Variants in SYNE2 observed in about 807,000 individuals in gnomAD.
SYNE2 encodes the protein nesprin-2.
A neutral mutation model predicts 856.3 loss-of-function variants in SYNE2; 431 were observed. The ratio of observed to expected loss-of-function variants is 0.50; its 90% confidence interval spans 0.47 to 0.55. SYNE2 has a LOEUF of 0.55. Ranked by LOEUF, SYNE2 falls within the 20% of genes least tolerant of loss-of-function variation. The pLI is 0.00. For synonymous variants in SYNE2, 2,923 were observed against 2,872.3 expected (o/e 1.02, Z -0.56); for missense variants, 8,129 against 8,023.2 (o/e 1.01, Z -0.50).
intron 82 of SYNE2, 92 bp from the exon 83 acceptor site, chr14:64,143,680 G>A (rs2098158842): frequency 5.1e-6 from 7 of 1,366,142 alleles, no homozygotes; most frequent in Non-Finnish European, 7.3e-6. Context: ...TAATGGACGG[G>A]AGCTTGGTGC....
intron 32 of SYNE2, 31 bp downstream of exon 32, chr14:64,010,147 C>T: frequency 1.9e-6 from 3 of 1,594,938 alleles, no homozygotes; most frequent in Non-Finnish European, 2.6e-6. Flanking sequence ...AAAAAACTGC[C>T]CAGTGACCTC....
chr14:63,816,088 A>G (rs1389061147), intron 1 of SYNE2, among the ~76,000 whole-genome samples: 1 of 151,416 alleles, frequency 6.6e-6, no homozygotes, highest in Non-Finnish European at 1.5e-5. Context: ...AGATGGGATT[A>G]CAGGCAGGTG....
chr14:63,814,679 C>CATATATATCCAT (rs1201725910), intron 1 of SYNE2, among the ~76,000 whole-genome samples: 10 of 63,230 alleles, frequency 1.6e-4, no homozygotes, highest in African/African-American at 4.0e-4. Flanking sequence ...CATATATATC[C>CATATATATCCAT]ATATATATCC....
rs770835099 is a variant in SYNE2 at position 64,026,574 on chromosome 14, T to C, written c.6253-5T>C. The C allele has an allele frequency of 6.2e-7, 1 of 1,610,644 alleles. No individual in the cohort carries two copies. The highest frequency in any genetic ancestry group is 8.5e-7 in the Non-Finnish European group (1 of 1,177,556). On this transcript the variant is annotated splice_region_variant and splice_polypyrimidine_tract_variant and intron_variant, in intron 41 of 115. Transcript: ENST00000555002. ...ACATTATAAAATCTCTTTTATTTAA[T>C]TCAGGAAATCATTTTGCTGAAGCCT...
chr14:63,766,876 A>C (rs1345743363), intron 1 of SYNE2, among the ~76,000 whole-genome samples: 3 of 152,256 alleles, frequency 2.0e-5, no homozygotes, highest in South Asian at 4.1e-4. Flanking sequence ...TTGGGATTGA[A>C]GGTAGGTAGT....
intron 61 of SYNE2, among the ~76,000 whole-genome samples, chr14:64,096,725 T>C (rs1163720724): frequency 6.6e-6 from 1 of 152,230 alleles, no homozygotes; most frequent in Admixed American, 6.5e-5. Flanking sequence ...TGCTCTGCTG[T>C]GTGCTAGTTG....
chr14:64,029,609 A>T (rs1194879666), intron 43 of SYNE2, among the ~76,000 whole-genome samples: 1 of 152,226 alleles, frequency 6.6e-6, no homozygotes, highest in Non-Finnish European at 1.5e-5. Flanking sequence ...TAGCTATTTC[A>T]TTTTATAAAC....
chr14:63,933,355 A>G (rs145540465), intron 2 of SYNE2, among the ~76,000 whole-genome samples: 1 of 152,274 alleles, frequency 6.6e-6, no homozygotes, highest in African/African-American at 2.4e-5. Flanking sequence ...GTAGTTTCAT[A>G]ATGAGCTTTA....
rs137866467 is a variant in SYNE2, at chr14:64,186,520, A to G, written c.17653A>G (p.Met5885Val). Residue 5885 changes from methionine (M) to valine (V), a missense_variant, in exon 97 of 116, where the codon ATG (methionine) becomes GTG (valine). Met to Val is a conservative substitution (Grantham distance 21, BLOSUM62 1). Coordinates refer to ENST00000555002, the MANE Select transcript of SYNE2 (RefSeq NM_182914.3). ...CCGGCACGTTCTCGTGGAAGATGTG[A>G]TGGTTTTGAAGGAGCAAATAGAGCA... ...LTRHVLVEDV[M>V]VLKEQIEHLH... The G allele has an allele frequency of 3.7e-6, 6 of 1,614,206 alleles. No homozygotes were observed. The highest frequency in any genetic ancestry group is 4.2e-6 in the Non-Finnish European group (5 of 1,180,040).
chr14:64,048,987 A>G (rs1317357877), intron 46 of SYNE2: 3 of 152,138 alleles, frequency 2.0e-5, no homozygotes, highest in Non-Finnish European at 4.4e-5. Flanking sequence ...ACACGCATCT[A>G]AAATAGGAAA....
At chr14:64,182,355 AATTT>A (rs138538098) in intron 96 of SYNE2, among the ~76,000 whole-genome samples, 52,919 of 151,494 alleles carry the variant, frequency 0.35, 9,652 homozygotes, top group African/African-American at 0.45. Flanking sequence ...GGGGCAATTT[AATTT>A]ATTTATTTAT....
chr14:64,011,857 C>T (rs1056854550), intron 32 of SYNE2, among the ~76,000 whole-genome samples: 3 of 152,176 alleles, frequency 2.0e-5, no homozygotes, highest in African/African-American at 4.8e-5. Flanking sequence ...GAGCTGACTC[C>T]ATTCCTGGGT....
At chr14:63,939,448 A>G (rs1470861720) in intron 2 of SYNE2, among the ~76,000 whole-genome samples, 3 of 151,576 alleles carry the variant, frequency 2.0e-5, no homozygotes, top group African/African-American at 7.3e-5. Flanking sequence ...CCTCGGTTCA[A>G]ATGATTCTCC....
chr14:63,994,388 A>G (rs769100069), intron 22 of SYNE2, among the ~76,000 whole-genome samples: 5 of 152,208 alleles, frequency 3.3e-5, no homozygotes, highest in African/African-American at 4.8e-5. Context: ...ATCTATGTCT[A>G]TGTAAGTGGA....
At chr14:63,778,601 A>G (rs530225567) in intron 1 of SYNE2, among the ~76,000 whole-genome samples, 1 of 152,006 alleles carries the variant, frequency 6.6e-6, no homozygotes, top group South Asian at 2.1e-4. Context: ...TGCAGCTTCA[A>G]CCTCCTGGGT....
chr14:64,079,531 A>G (rs2097501372), intron 55 of SYNE2, among the ~76,000 whole-genome samples: 1 of 152,162 alleles, frequency 6.6e-6, no homozygotes, highest in Non-Finnish European at 1.5e-5. Flanking sequence ...AGGGAAAAAA[A>G]TGTTCTTAAG....
In SYNE2 at chr14:64,089,599, TA is replaced by T; in HGVS notation, c.11700del (p.Lys3900AsnfsTer41). 1 of 1,610,274 alleles carries T rather than the reference TA, an allele frequency of 6.2e-7. No homozygotes were observed. The highest frequency in any genetic ancestry group is 8.5e-7 in the Non-Finnish European group (1 of 1,177,350). ...GATGTGGTTGCTATTGAATCTGAAGTAAAATCAATGGAAAAAAGAGTTTCAA... is the reference window on the plus strand; with the variant it reads ...GATGTGGTTGCTATTGAATCTGAAGTAAATCAATGGAAAAAAGAGTTTCAA... ...ADDVVAIESE[V>X]KSMEKRVSKI... On this transcript the variant is annotated frameshift_variant, in exon 59 of 116. Coordinates refer to ENST00000555002, the MANE Select transcript of SYNE2 (RefSeq NM_182914.3). LOFTEE classifies it high-confidence loss of function.
chr14:64,095,660 A>G (rs1259323660), intron 61 of SYNE2, among the ~76,000 whole-genome samples: 3 of 152,214 alleles, frequency 2.0e-5, no homozygotes, highest in African/African-American at 2.4e-5. Context: ...TACAACTCAA[A>G]CAGTAGCATA....
intron 1 of SYNE2, among the ~76,000 whole-genome samples, chr14:63,767,816 A>G (rs1374169547): frequency 6.6e-6 from 1 of 152,192 alleles, no homozygotes; most frequent in Non-Finnish European, 1.5e-5. Flanking sequence ...ATTTGAATTA[A>G]TAAAAACTCA....
Sources: allele counts gnomAD v4.1 joint callset (sites outside exome capture counted in the v4.1 genomes callset), GRCh38; gene constraint gnomAD v4.1.1; transcripts MANE v1.5; gene names NCBI Gene and HGNC (gene_info 2026-07-23, HGNC 2026-07-21).